Variants in MRC1 observed in about 807,000 individuals in gnomAD.
MRC1 encodes the protein mannose receptor C-type 1.
MRC1 carries 62 observed loss-of-function variants against 102.9 expected under a neutral mutation model. The ratio of observed to expected loss-of-function variants is 0.60; its 90% CI spans 0.49 to 0.74. The LOEUF is 0.74. MRC1 is among the 30% of genes least tolerant of loss of function. The pLI, the probability that MRC1 is intolerant of heterozygous loss-of-function variation, is 0.00. For synonymous variants in MRC1, 457 were observed against 298.4 expected (o/e 1.53, Z -5.48); for missense variants, 1,237 against 862.8 (o/e 1.43, Z -5.43).
chr10:17,877,978 C>A lies in MRC1; in HGVS notation c.2618+11C>A, dbSNP rs1833460424. 5.5e-5 allele frequency: 48 copies of A among 871,940 alleles called. No homozygotes were observed. The highest frequency in any genetic ancestry group is 2.2e-5 in the Non-Finnish European group (11 of 501,186). 54.0% of individuals were successfully genotyped at this position (871,940 alleles called of 1,614,324 possible). On this transcript the variant is annotated intron_variant, in intron 18 of 29. Coordinates refer to ENST00000569591, the MANE Select transcript of MRC1 (RefSeq NM_002438.4). The stretch of plus-strand genomic sequence containing the variant: ...GGATAAAAAGTTTGCGTAAGTAAAT[C>A]AAGCTAAAAACAACTTTGCTTGGGT...
intron 1 of MRC1, among the ~76,000 whole-genome samples, chr10:17,817,063 C>T (rs1195901745): frequency 6.6e-6 from 1 of 152,068 alleles, no homozygotes; most frequent in Non-Finnish European, 1.5e-5. Flanking sequence ...GCCTGGCCAA[C>T]ATGGTGAAAC....
chr10:17,879,567 TG>T (rs1181682618), intron 18 of MRC1, among the ~76,000 whole-genome samples, 153 bp from the exon 19 acceptor site: 1 of 152,188 alleles, frequency 6.6e-6, no homozygotes, highest in African/African-American at 2.4e-5. Flanking sequence ...TTCCCCATGT[TG>T]GTCAGGCTAG....
At chr10:17,889,109 G>C (rs1029188532) in intron 22 of MRC1, among the ~76,000 whole-genome samples, 87 of 152,136 alleles carry the variant, frequency 5.7e-4, no homozygotes, top group Non-Finnish European at 7.4e-4. Context: ...ATTAGTGTTA[G>C]TGTAGCGTAT....
intron 17 of MRC1, 31 bp from the exon 18 acceptor site, chr10:17,877,869 A>G (rs1296510971): frequency 2.3e-6 from 2 of 872,006 alleles, no homozygotes; most frequent in Admixed American, 3.4e-5. Context: ...GTGATTCTAA[A>G]TTAAACTATA....
chr10:17,901,023 A>T, intron 25 of MRC1, 70 bp downstream of exon 25: 1 of 739,540 alleles, frequency 1.4e-6, no homozygotes, highest in Non-Finnish European at 2.5e-6. Context: ...ACCACTGTTG[A>T]TATTATTAAA....
intron 2 of MRC1, 111 bp from the exon 3 acceptor site, chr10:17,827,431 T>G: frequency 4.3e-6 from 2 of 467,526 alleles, no homozygotes; most frequent in Non-Finnish European, 8.2e-6. Flanking sequence ...TGTGGGTGCA[T>G]CAAGTGTAAT....
At chr10:17,889,471 A>G (rs889293228) in intron 22 of MRC1, among the ~76,000 whole-genome samples, 8,937 of 152,004 alleles carry the variant, frequency 0.059, 354 homozygotes, top group South Asian at 0.093. Flanking sequence ...TTTCTGTGTT[A>G]CCCAGGCTGG....
At chr10:17,874,148 G>C (rs920155012) in intron 16 of MRC1, among the ~76,000 whole-genome samples, 2 of 152,170 alleles carry the variant, frequency 1.3e-5, no homozygotes, top group African/African-American at 2.4e-5. Flanking sequence ...ATAACATGCA[G>C]TTACTCCCTT....
chr10:17,894,150 T>C (rs1160712061), intron 22 of MRC1, 60 bp from the exon 23 acceptor site: 5 of 860,946 alleles, frequency 5.8e-6, no homozygotes, highest in Admixed American at 1.7e-5. Flanking sequence ...TATTAATGAA[T>C]TGATTTCAAT....
chr10:17,881,703 G>A (rs1410521615), intron 21 of MRC1, among the ~76,000 whole-genome samples: 2 of 115,466 alleles, frequency 1.7e-5, no homozygotes, highest in Non-Finnish European at 3.4e-5. Context: ...TGGTAACAAG[G>A]TCTTACTCTG....
At chr10:17,817,121 A>C (rs1001723682) in intron 1 of MRC1, among the ~76,000 whole-genome samples, 1 of 151,924 alleles carries the variant, frequency 6.6e-6, no homozygotes. Flanking sequence ...GTGGTGGCAC[A>C]TGCCTATAGT....
intron 7 of MRC1, among the ~76,000 whole-genome samples, chr10:17,850,718 G>A (rs1838901930): frequency 6.6e-6 from 1 of 152,148 alleles, no homozygotes; most frequent in African/African-American, 2.4e-5. Flanking sequence ...GGATGGTGGA[G>A]ATGGTGGAGA....
intron 22 of MRC1, among the ~76,000 whole-genome samples, chr10:17,890,528 T>G (rs1589193006): frequency 6.6e-6 from 1 of 152,240 alleles, no homozygotes; most frequent in African/African-American, 2.4e-5. Flanking sequence ...CTTAGCATTT[T>G]CATCTCTCTG....
At chr10:17,813,314 A>C (rs1838253425) in intron 1 of MRC1, among the ~76,000 whole-genome samples, 1 of 152,186 alleles carries the variant, frequency 6.6e-6, no homozygotes, top group Non-Finnish European at 1.5e-5. Flanking sequence ...TGGTTCTGAC[A>C]TAGACATCAC....
chr10:17,838,414 G>A (rs1291245811), intron 4 of MRC1, among the ~76,000 whole-genome samples: 56 of 152,202 alleles, frequency 3.7e-4, no homozygotes, highest in Non-Finnish European at 1.8e-4. Context: ...TCTGAGTCCT[G>A]AATCAGATTT....
At chr10:17,894,160 T>C in intron 22 of MRC1, 50 bp from the exon 23 acceptor site, 1 of 865,384 alleles carries the variant, frequency 1.2e-6, no homozygotes, top group Non-Finnish European at 2.0e-6. Context: ...TTGATTTCAA[T>C]AGTCGTTGAT....
chr10:17,909,253 A>G (rs1833936957), intron 28 of MRC1, 53 bp from the exon 29 acceptor site: 3 of 800,384 alleles, frequency 3.7e-6, no homozygotes, highest in East Asian at 2.4e-5. Flanking sequence ...AATATTTGCT[A>G]TCTACCTGCA....
Position 17,836,428 on chromosome 10 carries a change from G to A in MRC1, c.802+2589G>A, listed in dbSNP as rs1838663240. Among the ~76,000 whole-genome samples the A allele has an allele frequency of 2.0e-5, 3 of 152,306 alleles. No homozygotes were observed. The South Asian group carries it at 6.2e-4, about 32-fold the overall frequency. ...CATGCACAAAAATAAGGAGGAAGAGGAGAAAGTACAGAATAGACAAAAGTA... is the reference window on the plus strand; with the variant it reads ...CATGCACAAAAATAAGGAGGAAGAGAAGAAAGTACAGAATAGACAAAAGTA... On this transcript the variant is annotated intron_variant, in intron 4 of 29. Coordinates refer to ENST00000569591, the MANE Select transcript of MRC1 (RefSeq NM_002438.4).
chr10:17,813,856 C>G (rs1233426007), intron 1 of MRC1, among the ~76,000 whole-genome samples: 1 of 151,794 alleles, frequency 6.6e-6, no homozygotes, highest in African/African-American at 2.4e-5. Flanking sequence ...TGCCACCATG[C>G]CTGGCTAACT....
Sources: allele counts gnomAD v4.1 joint callset (sites outside exome capture counted in the v4.1 genomes callset), GRCh38; gene constraint gnomAD v4.1.1; transcripts MANE v1.5; gene names NCBI Gene and HGNC (gene_info 2026-07-23, HGNC 2026-07-21).